The following TMEM123 variants were observed in gnomAD, a reference collection of about 807,000 sequenced individuals.
TMEM123 encodes the protein porimin.
TMEM123 carries 16 observed loss-of-function variants against 19.7 expected under a neutral mutation model. The observed-to-expected ratio is 0.81, with a 90% CI of 0.55 to 1.23. The LOEUF is 1.23. Among genes scored for constraint, TMEM123 ranks in the 50% most tolerant of loss-of-function variants. The pLI, the probability that TMEM123 is intolerant of heterozygous loss-of-function variation, is 0.00. For missense variants in TMEM123, 313 were observed against 257.8 expected (o/e 1.21, Z -1.47); for synonymous variants, 118 against 99.4 (o/e 1.19, Z -1.12).
Position 102,398,528 on chromosome 11 carries a change from G to A in TMEM123, c.*339C>T. 2.3e-6 allele frequency: 1 copy of A among 429,060 alleles called. No homozygotes were observed. The highest frequency in any genetic ancestry group is 4.1e-6 in the Non-Finnish European group (1 of 246,722). 26.6% of individuals were successfully genotyped at this position (429,060 alleles called of 1,614,324 possible). A position where few individuals can be genotyped will look rare whatever the true frequency, so the allele number is the denominator to read the frequency against. On this transcript the variant is annotated 3_prime_UTR_variant, in exon 5 of 5. Transcript: ENST00000398136. ...AACTTCTTATTTGTATGCCCAGATGGCATTCTGTCTTTCAGTGATGACGTC... is the reference window on the plus strand; with the variant it reads ...AACTTCTTATTTGTATGCCCAGATGACATTCTGTCTTTCAGTGATGACGTC...
At chr11:102,425,583 CTTT>C (rs1167174586) in intron 2 of TMEM123, among the ~76,000 whole-genome samples, 5 of 107,910 alleles carry the variant, frequency 4.6e-5, no homozygotes, top group Non-Finnish European at 3.9e-5. Flanking sequence ...TTTCTTTTTT[CTTT>C]TTTTTTTTTT....
At chr11:102,399,893 C>G (rs1951895682) in intron 4 of TMEM123, among the ~76,000 whole-genome samples, 3 of 151,910 alleles carry the variant, frequency 2.0e-5, no homozygotes. Context: ...TAGCTTGAAC[C>G]CAGGAGGCAG....
intron 2 of TMEM123, among the ~76,000 whole-genome samples, chr11:102,431,754 A>C (rs1857712244): frequency 6.6e-6 from 1 of 152,194 alleles, no homozygotes; most frequent in African/African-American, 2.4e-5. Context: ...CTGTGTCCCC[A>C]CCCAAATCTC....
rs781574262 is a variant in TMEM123 at position 102,401,916 on chromosome 11, T to A, written c.448A>T (p.Ile150Phe). ...SVTSAASSVT[I>F]TTTMHSEAKK... ...AAAAAAGGTCAGCTTTAATACATACTTGTTACTGATGAAGCAGCAGATGTC... is the reference window on the plus strand; with the variant it reads ...AAAAAAGGTCAGCTTTAATACATACATGTTACTGATGAAGCAGCAGATGTC... The change falls in exon 3 of 5, where the codon ATC becomes TTC. Residue 150 changes from isoleucine to phenylalanine, a missense_variant and splice_region_variant. Ile to Phe is a conservative substitution (Grantham distance 21). Coordinates refer to ENST00000398136, the MANE Select transcript of TMEM123 (RefSeq NM_052932.3). 6.2e-7 allele frequency: 1 copy of A among 1,613,394 alleles called. No homozygotes were observed. Among genetic ancestry groups the A allele is most frequent in the Admixed American group, 1.7e-5 (1 of 60,016 alleles).
intron 2 of TMEM123, among the ~76,000 whole-genome samples, chr11:102,423,551 A>G (rs1243206641): frequency 6.6e-6 from 1 of 152,232 alleles, no homozygotes; most frequent in African/African-American, 2.4e-5. Context: ...TCCCCAGTTA[A>G]GCCTTCATGA....
intron 4 of TMEM123, among the ~76,000 whole-genome samples, chr11:102,400,923 G>GA (rs1338667472): frequency 6.6e-6 from 1 of 152,176 alleles, no homozygotes; most frequent in Non-Finnish European, 1.5e-5. Flanking sequence ...AAACAAAAAG[G>GA]ACTATTGGAG....
chr11:102,452,427 C>T (rs1857951861), intron 1 of TMEM123, 97 bp downstream of exon 1: 1 of 1,083,040 alleles, frequency 9.2e-7, no homozygotes, highest in South Asian at 2.2e-5. Context: ...GCCAGACACA[C>T]GCGGAACTTT....
At chr11:102,420,590 G>C (rs1328627748) in intron 2 of TMEM123, among the ~76,000 whole-genome samples, 1 of 152,218 alleles carries the variant, frequency 6.6e-6, no homozygotes, top group Non-Finnish European at 1.5e-5. Context: ...AAACTAGTAA[G>C]GGGAGGAGCC....
intron 2 of TMEM123, among the ~76,000 whole-genome samples, chr11:102,437,502 G>A (rs1337212121): frequency 6.6e-6 from 1 of 151,048 alleles, no homozygotes; most frequent in African/African-American, 2.4e-5. Context: ...AATGTTAAAT[G>A]TTCCCTTTCA....
intron 2 of TMEM123, among the ~76,000 whole-genome samples, chr11:102,418,811 T>C (rs1025033181): frequency 6.6e-6 from 1 of 152,204 alleles, no homozygotes; most frequent in Non-Finnish European, 1.5e-5. Flanking sequence ...ATATACACCA[T>C]GGAATACTAC....
intron 1 of TMEM123, 32 bp downstream of exon 1, chr11:102,452,492 G>A (rs1857952968): frequency 7.1e-7 from 1 of 1,417,830 alleles, no homozygotes; most frequent in East Asian, 2.9e-5. Flanking sequence ...TGCCTCCCAC[G>A]AACGGGGCTG....
At chr11:102,412,654 T>C (rs570823548) in intron 2 of TMEM123, among the ~76,000 whole-genome samples, 1 of 152,248 alleles carries the variant, frequency 6.6e-6, no homozygotes, top group East Asian at 1.9e-4. Context: ...AAAGTATCAC[T>C]AGAAATTTTT....
At chr11:102,419,003 C>A (rs117380134) in intron 2 of TMEM123, among the ~76,000 whole-genome samples, 1 of 152,108 alleles carries the variant, frequency 6.6e-6, no homozygotes, top group Non-Finnish European at 1.5e-5. Context: ...CACACCAACA[C>A]CTGCCTGAGG....
chr11:102,413,060 G>A (rs565733059), intron 2 of TMEM123, among the ~76,000 whole-genome samples: 1 of 152,288 alleles, frequency 6.6e-6, no homozygotes, highest in South Asian at 2.1e-4. Context: ...CTCAAGTTAT[G>A]CTTAGAGAGA....
chr11:102,400,841 A>T (rs1399915582), intron 4 of TMEM123, among the ~76,000 whole-genome samples: 1 of 152,218 alleles, frequency 6.6e-6, no homozygotes, highest in Non-Finnish European at 1.5e-5. Context: ...TCTGCTGTTT[A>T]AGGCACCCAG....
At chr11:102,426,080 C>T (rs772119550) in intron 2 of TMEM123, among the ~76,000 whole-genome samples, 3 of 152,200 alleles carry the variant, frequency 2.0e-5, no homozygotes, top group Non-Finnish European at 2.9e-5. Flanking sequence ...GTGCCCAACA[C>T]ATAGAATGTA....
At chr11:102,434,989 G>T (rs1857747912) in intron 2 of TMEM123, among the ~76,000 whole-genome samples, 1 of 151,802 alleles carries the variant, frequency 6.6e-6, no homozygotes, top group Non-Finnish European at 1.5e-5. Context: ...ATATACAATA[G>T]CTTTGTGGTG....
rs971241683 is a variant in TMEM123 at position 102,396,629 on chromosome 11, T to A, written c.*2238A>T. 3 of 152,218 alleles carry A rather than the reference T, an allele frequency of 2.0e-5. No homozygotes were observed. The highest frequency in any genetic ancestry group is 7.2e-5 in the African/African-American group (3 of 41,450). The allele number at this position is 152,218 out of a possible 1,614,324, so 9.4% of individuals were successfully genotyped here. A position where few individuals can be genotyped will look rare whatever the true frequency, so the allele number is the denominator to read the frequency against. ...TGCAAGCAAAACTGAGCATTTTTTTTATGCTTAAGAAATATGGTCCAAAGC... is the reference window on the plus strand; with the variant it reads ...TGCAAGCAAAACTGAGCATTTTTTTAATGCTTAAGAAATATGGTCCAAAGC... On this transcript the variant is annotated 3_prime_UTR_variant, in exon 5 of 5. Transcript: ENST00000398136.
At chr11:102,405,773 G>T (rs1951950480) in intron 2 of TMEM123, among the ~76,000 whole-genome samples, 1 of 152,048 alleles carries the variant, frequency 6.6e-6, no homozygotes, top group African/African-American at 2.4e-5. Context: ...AGCTATAATA[G>T]GTTAGTTCTC....
Sources: allele counts gnomAD v4.1 joint callset (sites outside exome capture counted in the v4.1 genomes callset), GRCh38; gene constraint gnomAD v4.1.1; transcripts MANE v1.5; gene names NCBI Gene and HGNC (gene_info 2026-07-23, HGNC 2026-07-21).